SIK3: variants seen among roughly 807,000 people sequenced by gnomAD.
SIK3 encodes SIK family kinase 3.
A neutral mutation model predicts 144.2 loss-of-function variants in SIK3; 28 were observed. The ratio of observed to expected loss-of-function variants is 0.19; its 90% confidence interval spans 0.14 to 0.27. SIK3 has a LOEUF of 0.27. Ranked by LOEUF, SIK3 falls within the 10% of genes least tolerant of loss-of-function variation. The pLI is 1.00. For synonymous variants in SIK3, 686 were observed against 676.3 expected, an observed-to-expected ratio of 1.01 and a Z score of -0.22; for missense variants, 1,319 against 1,776.0, an observed-to-expected ratio of 0.74 and a Z score of 4.62.
Position 116,846,262 on chromosome 11 carries a change from G to T in SIK3, c.*13+121C>A. ...AGCAAGAAACTGTGAAGGCCACGAG[G>T]GGAGGCGTGGTACTGTCGACTGCAC... is the stretch of plus-strand genomic sequence containing the variant. On this transcript the variant is annotated intron_variant, in intron 24 of 24. Coordinates refer to ENST00000445177, the MANE Select transcript of SIK3 (RefSeq NM_001366686.3). The surrounding 1 kb of genome is among the most constrained non-coding windows in gnomAD (Gnocchi z 4.1). The T allele has an allele frequency of 1.0e-6, 1 of 975,904 alleles. No homozygotes were observed. The highest frequency in any genetic ancestry group is 1.5e-6 in the Non-Finnish European group (1 of 653,390). 60.5% of individuals were successfully genotyped at this position (975,904 alleles called of 1,614,324 possible).
Position 116,844,401 on chromosome 11 carries a change from T to C in SIK3, c.*1242A>G, listed in dbSNP as rs1565344396. 1 of 148,582 alleles carries C rather than the reference T, an allele frequency of 6.7e-6. No homozygotes were observed. Among genetic ancestry groups the C allele is most frequent in the Non-Finnish European group, 1.5e-5 (1 of 66,926 alleles). The allele number at this position is 148,582 out of a possible 1,614,324, so 9.2% of individuals were successfully genotyped here. The stretch of plus-strand genomic sequence containing the variant: ...TAAACAAAAATTCCTTTTCTCTTTA[T>C]TTATTAATAATGATAATAACAATAA... On this transcript the variant is annotated 3_prime_UTR_variant, in exon 25 of 25. Transcript: ENST00000445177.
intron 4 of SIK3, among the ~76,000 whole-genome samples, chr11:116,908,309 T>G (rs1046614551): frequency 5.9e-5 from 9 of 152,044 alleles, no homozygotes; most frequent in Admixed American, 2.0e-4. Flanking sequence ...AGACCTCGTC[T>G]TCACAAAAAC....
At chr11:116,873,256 A>C (rs1230748417) in intron 13 of SIK3, among the ~76,000 whole-genome samples, 1 of 152,258 alleles carries the variant, frequency 6.6e-6, no homozygotes, top group East Asian at 1.9e-4. Context: ...AAAGCTCTCC[A>C]GGAGTGGAGT....
intron 21 of SIK3, chr11:116,855,744 A>T (rs891023014): frequency 6.6e-5 from 10 of 152,228 alleles, no homozygotes; most frequent in African/African-American, 2.4e-4. Context: ...TCTTATGTTC[A>T]GCTGCCCCTG....
chr11:116,967,631 G>T (rs1393306263), intron 1 of SIK3, among the ~76,000 whole-genome samples: 1 of 152,180 alleles, frequency 6.6e-6, no homozygotes, highest in African/African-American at 2.4e-5. Context: ...AGGAAAAACA[G>T]GAAGCAATAT....
In SIK3 at chr11:116,858,373, G is replaced by C. The variant is rs1290499931; in HGVS notation, c.3092C>G (p.Ser1031Trp). 1.2e-6 allele frequency: 2 copies of C among 1,613,670 alleles called. No homozygotes were observed. The highest frequency in any genetic ancestry group is 1.1e-5 in the South Asian group (1 of 90,988). ...LSPRHSLTGH[S>W]DIRLPPTEFA... ...CTCTGTTGGGGGCAGCCGGATGTCC[G>C]AGTGGCCGGTGAGCGAATGCCGGGG... Residue 1031 changes from serine to tryptophan, a missense_variant, in exon 21 of 25, where the codon TCG (serine) becomes TGG (tryptophan). This residue lies in a region of SIK3 where 646 missense variants were observed against 763.7 expected (regional missense o/e 0.85). Coordinates refer to ENST00000445177, the MANE Select transcript of SIK3 (RefSeq NM_001366686.3). This position sits in a 1 kb window ranked among gnomAD's most constrained non-coding sequence, Gnocchi z 5.4.
intron 1 of SIK3, among the ~76,000 whole-genome samples, chr11:117,029,335 T>C (rs1209683836): frequency 6.6e-6 from 1 of 152,100 alleles, no homozygotes; most frequent in Non-Finnish European, 1.5e-5. Flanking sequence ...CAAGCACCTA[T>C]AGTCCCAGCT....
At chr11:117,049,729 A>C (rs1953139529) in intron 1 of SIK3, among the ~76,000 whole-genome samples, 1 of 152,138 alleles carries the variant, frequency 6.6e-6, no homozygotes. Flanking sequence ...GCTGAAGTGG[A>C]GGAATCACTT....
intron 11 of SIK3, among the ~76,000 whole-genome samples, chr11:116,874,557 G>A (rs1479758466): frequency 6.6e-6 from 1 of 152,220 alleles, no homozygotes; most frequent in African/African-American, 2.4e-5. Flanking sequence ...TCCACTAACA[G>A]AGCGACTCAG....
chr11:116,935,106 A>C (rs1947841400), intron 3 of SIK3, among the ~76,000 whole-genome samples: 1 of 148,210 alleles, frequency 6.7e-6, no homozygotes, highest in South Asian at 2.2e-4. Flanking sequence ...AAACAAAATC[A>C]GCCAGGCATG....
chr11:117,048,355 AG>A (rs1953057834), intron 1 of SIK3, among the ~76,000 whole-genome samples: 1 of 152,188 alleles, frequency 6.6e-6, no homozygotes, highest in Admixed American at 6.5e-5. Context: ...TACAGACATA[AG>A]GTCAATTAAA....
In SIK3 at chr11:116,870,067, A is replaced by C. The variant is rs553844965; in HGVS notation, c.1808+264T>G. On this transcript the variant is annotated intron_variant, in intron 14 of 24. Transcript: ENST00000445177. ...AGTTGCAATATGAAGGCAGGGGACA[A>C]GGAAGAAGGAGGGAGGAAAGAAAAA... 51 of 1,412,518 alleles carry C rather than the reference A, an allele frequency of 3.6e-5. No individual in the cohort carries two copies. The African/African-American group carries it at 6.8e-4, about 19-fold the overall frequency. The allele number at this position is 1,412,518 out of a possible 1,614,324, so 87.5% of individuals were successfully genotyped here. A position where few individuals can be genotyped will look rare whatever the true frequency, so the allele number is the denominator to read the frequency against.
intron 3 of SIK3, among the ~76,000 whole-genome samples, chr11:116,944,004 A>G (rs918335189): frequency 3.3e-5 from 5 of 152,182 alleles, no homozygotes; most frequent in Non-Finnish European, 7.3e-5. Flanking sequence ...TAAAAATAAT[A>G]GCAATGAGAT....
chr11:116,911,070 G>A (rs1171730529), intron 4 of SIK3, among the ~76,000 whole-genome samples: 1 of 152,140 alleles, frequency 6.6e-6, no homozygotes, highest in African/African-American at 2.4e-5. Flanking sequence ...AGGAGTTCAA[G>A]GTGCAGTGAA....
At chr11:116,915,153 T>TGTGTGTGTGTGTGCGC (rs1182331838) in intron 4 of SIK3, among the ~76,000 whole-genome samples, 1 of 149,096 alleles carries the variant, frequency 6.7e-6, no homozygotes, top group African/African-American at 2.5e-5. Flanking sequence ...TGTGTGTGTG[T>TGTGTGTGTGTGTGCGC]GTGTGTGTAT....
At chr11:116,951,047 A>G (rs1565492471) in intron 3 of SIK3, among the ~76,000 whole-genome samples, 2 of 152,224 alleles carry the variant, frequency 1.3e-5, no homozygotes, top group Non-Finnish European at 2.9e-5. Context: ...GTAAGGAAGC[A>G]CTGTGCTAGA....
chr11:117,057,309 G>A (rs867652324), intron 1 of SIK3, among the ~76,000 whole-genome samples: 3 of 152,116 alleles, frequency 2.0e-5, no homozygotes, highest in African/African-American at 4.8e-5. Context: ...TTTTTCTTAC[G>A]AAGTACATAA....
intron 1 of SIK3, among the ~76,000 whole-genome samples, chr11:117,037,078 T>A (rs1350637616): frequency 6.6e-6 from 1 of 152,164 alleles, no homozygotes; most frequent in Non-Finnish European, 1.5e-5. Context: ...TATTGGGGGC[T>A]TTTTTCCCCA....
chr11:116,867,964 A>G lies in SIK3; in HGVS notation c.1934T>C (p.Leu645Pro). ...PFRSRVWPPH[L>P]VPDQHRSTYK... ...TACTCACCGATGCTGATCAGGTACC[A>G]GGTGAGGAGGCCAGACCCGGGAACG... is the stretch of plus-strand genomic sequence containing the variant. Residue 645 changes from leucine to proline, a missense_variant, in exon 15 of 25, where the codon CTG becomes CCG. Physicochemically the swap from Leu to Pro is moderately conservative, Grantham distance 98. Around this residue, in one of 8 missense-constraint regions of SIK3, gnomAD observed 47 missense variants for 40.2 expected, o/e 1.17. Transcript: ENST00000445177. This position sits in a 1 kb window ranked among gnomAD's most constrained non-coding sequence, Gnocchi z 4.1. 1 of 1,547,402 alleles carries G rather than the reference A, an allele frequency of 6.5e-7. No individual in the cohort carries two copies. The highest frequency in any genetic ancestry group is 2.4e-5 in the East Asian group (1 of 40,882).
Sources: allele counts gnomAD v4.1 joint callset (sites outside exome capture counted in the v4.1 genomes callset), GRCh38; gene constraint gnomAD v4.1.1; regional missense constraint gnomAD v4.1.1; non-coding constraint Gnocchi (gnomAD v3.1); transcripts MANE v1.5; gene names NCBI Gene and HGNC (gene_info 2026-07-23, HGNC 2026-07-21).